Variants in FAF1 observed in about 807,000 individuals in gnomAD.
FAF1 encodes the protein Fas associated factor 1, also known as FAS-associated factor 1.
In FAF1, 25 loss-of-function variants were observed where a neutral mutation model predicts 92.5. That is an observed-to-expected ratio of 0.27 (90% CI 0.20 to 0.38). The LOEUF (loss-of-function observed/expected upper bound fraction) is 0.38. FAF1 is among the 10% of genes least tolerant of loss of function. FAF1 has a pLI of 1.00. For missense variants in FAF1, 636 were observed against 793.3 expected (o/e 0.80, Z 2.38); for synonymous variants, 234 against 273.2 (o/e 0.86, Z 1.42).
intron 12 of FAF1, among the ~76,000 whole-genome samples, chr1:50,569,686 T>G (rs954979249): frequency 6.6e-6 from 1 of 152,184 alleles, no homozygotes; most frequent in African/African-American, 2.4e-5. Flanking sequence ...TGGCTAAATC[T>G]TTAAAATGCC....
chr1:50,895,990 C>A (rs536931577), intron 1 of FAF1, among the ~76,000 whole-genome samples: 1 of 152,268 alleles, frequency 6.6e-6, no homozygotes, highest in East Asian at 1.9e-4. Context: ...ATTGGGAACA[C>A]AAGGATGCCC....
intron 2 of FAF1, among the ~76,000 whole-genome samples, chr1:50,852,568 C>T (rs1644359684): frequency 6.6e-6 from 1 of 152,048 alleles, no homozygotes; most frequent in South Asian, 2.1e-4. Context: ...AAAGCCAGTA[C>T]AGAGAAGAAA....
At chr1:50,836,170 G>GTTTTTTTGTTT (rs1553144965) in intron 2 of FAF1, among the ~76,000 whole-genome samples, 6,715 of 97,934 alleles carry the variant, frequency 0.069, 465 homozygotes, top group Non-Finnish European at 0.091. Flanking sequence ...TTTTGTTTCT[G>GTTTTTTTGTTT]TTTTTTTTTT....
intron 5 of FAF1, among the ~76,000 whole-genome samples, chr1:50,740,580 T>C (rs1162597196): frequency 6.6e-6 from 1 of 152,186 alleles, no homozygotes; most frequent in African/African-American, 2.4e-5. Flanking sequence ...TTGTATTCTA[T>C]TTCTCTTTTT....
At chr1:50,608,083 G>A (rs1443221059) in intron 8 of FAF1, among the ~76,000 whole-genome samples, 1 of 152,230 alleles carries the variant, frequency 6.6e-6, no homozygotes, top group Non-Finnish European at 1.5e-5. Flanking sequence ...GCAGCTCAAA[G>A]GCTGTTCTGC....
chr1:50,797,427 G>A (rs1407446848), intron 3 of FAF1, among the ~76,000 whole-genome samples: 2 of 152,108 alleles, frequency 1.3e-5, no homozygotes, highest in African/African-American at 4.8e-5. Context: ...AATGCCAGGT[G>A]TAGTGGCTCA....
rs1553132370 is a variant in FAF1, at chr1:50,724,255, A to AC, written c.551+14607dup. 8.6e-5 allele frequency among the ~76,000 whole-genome samples: 12 copies of AC among 139,422 alleles called. No homozygotes were observed. The East Asian group carries it at 2.4e-3, about 28-fold the overall frequency. The allele number at this position is 139,422 out of a possible 152,430, so 91.5% of individuals were successfully genotyped here. A position where few individuals can be genotyped will look rare whatever the true frequency, so the allele number is the denominator to read the frequency against. On this transcript the variant is annotated intron_variant, in intron 6 of 18. Transcript: ENST00000396153. ...TGTCTTTCAAAAAAAAAAAAAAAAAACAACCATATATATATACATATACAC... is the reference window on the plus strand; with the variant it reads ...TGTCTTTCAAAAAAAAAAAAAAAAAACCAACCATATATATATACATATACAC...
chr1:50,746,274 ATATATATATATATATATATTTTTTTTTT>A (rs1659599166), intron 4 of FAF1, among the ~76,000 whole-genome samples: 1 of 18,260 alleles, frequency 5.5e-5, no homozygotes, highest in South Asian at 3.0e-3. Context: ...ATATATATAT[ATATATATATATATATATATTTTTTTTTT>A]TTTTTTTTTT....
chr1:50,738,342 C>T (rs1033533894), intron 6 of FAF1, among the ~76,000 whole-genome samples: 5 of 149,644 alleles, frequency 3.3e-5, no homozygotes, highest in African/African-American at 1.2e-4. Context: ...ACTCAGGAGG[C>T]TGAGGGAGGG....
At chr1:50,731,045 T>C (rs898229354) in intron 6 of FAF1, among the ~76,000 whole-genome samples, 1 of 152,214 alleles carries the variant, frequency 6.6e-6, no homozygotes, top group African/African-American at 2.4e-5. Flanking sequence ...TTCCCAGAGA[T>C]ACTGGAGAGA....
At position 50,438,436 on chromosome 1, in the gene FAF1, A is replaced by G. The variant is rs946836397; in HGVS notation, c.*3004T>C. The G allele has an allele frequency of 3.9e-5, 6 of 152,268 alleles. No individual in the cohort carries two copies. The East Asian group carries it at 1.2e-3, about 29-fold the overall frequency. The allele number at this position is 152,268 out of a possible 1,614,324, so 9.4% of individuals were successfully genotyped here. ...TCCTCTAAGAATTTTAAAAAGGATC[A>G]AAAGAGAAAATACAGGTGAAAGGGT... On this transcript the variant is annotated 3_prime_UTR_variant, in exon 19 of 19. Transcript: ENST00000396153.
At chr1:50,778,000 C>T (rs940694802) in intron 4 of FAF1, among the ~76,000 whole-genome samples, 1 of 152,148 alleles carries the variant, frequency 6.6e-6, no homozygotes, top group African/African-American at 2.4e-5. Flanking sequence ...AAAACATGTA[C>T]AAGAATGTTC....
chr1:50,838,567 A>T (rs1644231382), intron 2 of FAF1, among the ~76,000 whole-genome samples: 2 of 148,006 alleles, frequency 1.4e-5, no homozygotes, highest in South Asian at 4.2e-4. Context: ...AAATATATAT[A>T]TTTTATATAA....
chr1:50,709,399 C>A (rs1465961691), intron 6 of FAF1, among the ~76,000 whole-genome samples: 4 of 152,226 alleles, frequency 2.6e-5, no homozygotes, highest in Middle Eastern at 3.4e-3. Context: ...ATCAGTATAT[C>A]CCTTGGAAAG....
At chr1:50,526,399 C>T (rs1262844748) in intron 15 of FAF1, among the ~76,000 whole-genome samples, 1 of 151,698 alleles carries the variant, frequency 6.6e-6, no homozygotes, top group African/African-American at 2.4e-5. Flanking sequence ...AGTTCAAGAC[C>T]AGCCTGCACA....
chr1:50,483,846 C>T (rs758539707), intron 17 of FAF1, among the ~76,000 whole-genome samples: 2 of 152,094 alleles, frequency 1.3e-5, no homozygotes, highest in Non-Finnish European at 2.9e-5. Context: ...GCTCTAACAA[C>T]TGGAAAGATT....
intron 12 of FAF1, among the ~76,000 whole-genome samples, chr1:50,580,191 T>C (rs1041091819): frequency 3.9e-5 from 6 of 152,032 alleles, no homozygotes; most frequent in Admixed American, 2.0e-4. Flanking sequence ...TTATATTTAT[T>C]TTATACTTGT....
chr1:50,661,473 G>T (rs1199080690), intron 7 of FAF1, among the ~76,000 whole-genome samples: 1 of 151,970 alleles, frequency 6.6e-6, no homozygotes, highest in South Asian at 2.1e-4. Flanking sequence ...AGATACTATC[G>T]CACATCATAG....
chr1:50,696,562 T>C (rs894736894), intron 7 of FAF1, among the ~76,000 whole-genome samples: 1 of 152,244 alleles, frequency 6.6e-6, no homozygotes, highest in Non-Finnish European at 1.5e-5. Flanking sequence ...ATGTGTGGAA[T>C]AGCTGTAGCC....
Sources: gnomAD v4.1 joint callset for allele counts (sites outside exome capture counted in the v4.1 genomes callset) on GRCh38, gnomAD v4.1.1 for gene constraint, MANE v1.5 for transcripts, NCBI Gene and HGNC (gene_info 2026-07-23, HGNC 2026-07-21) for gene names.